NREP: variants seen among roughly 807,000 people sequenced by gnomAD.
The protein encoded by NREP is neuronal regeneration-related protein.
Under a neutral mutation model 8.6 loss-of-function variants are expected in NREP, and 5 were observed. The observed-to-expected ratio is 0.58, with a 90% CI of 0.30 to 1.22. The LOEUF is 1.22. Among genes scored for constraint, NREP ranks in the 50% most tolerant of loss-of-function variants. The pLI is 0.07. For missense variants in NREP, 86 were observed against 82.5 expected (o/e 1.04, Z -0.17); for synonymous variants, 27 against 28.0 (o/e 0.96, Z 0.11).
intron 2 of NREP, among the ~76,000 whole-genome samples, chr5:111,903,059 C>T (rs1162616218): frequency 2.0e-5 from 3 of 150,508 alleles, no homozygotes; most frequent in African/African-American, 7.3e-5. Context: ...ATTCTATTTT[C>T]CATGAATTGT....
At chr5:111,751,638 A>C (rs948487717) in intron 2 of NREP, among the ~76,000 whole-genome samples, 5 of 152,134 alleles carry the variant, frequency 3.3e-5, no homozygotes, top group Admixed American at 3.3e-4. Context: ...CATTCAGTAC[A>C]TTTTCCTCTG....
chr5:111,888,389 A>G (rs892154022), intron 2 of NREP, among the ~76,000 whole-genome samples: 1 of 151,928 alleles, frequency 6.6e-6, no homozygotes, highest in Non-Finnish European at 1.5e-5. Flanking sequence ...GGCAAAGGAG[A>G]AGCAAGGCAA....
At chr5:111,758,165 C>G (rs1486370905), upstream of NREP, 5 of 985,464 alleles carry the variant, frequency 5.1e-6, no homozygotes, top group Non-Finnish European at 6.0e-6. Context: ...GCGGGGAAGC[C>G]CGGGGCGGGG....
rs538618563 is a variant in NREP at position 111,962,246 on chromosome 5, A to G, written c.135+13028T>C. ...TTTGCCTGAGAAAATGCCTTTATTC[A>G]TTAGTTTTAGCTAAGAATACATGAT... On this transcript the variant is annotated intron_variant, in intron 2 of 3. Coordinates refer to the NREP transcript ENST00000395634. 3.3e-5 allele frequency among the ~76,000 whole-genome samples: 5 copies of G among 152,280 alleles called. No individual in the cohort carries two copies. The South Asian group carries it at 1.0e-3, about 32-fold the overall frequency.
chr5:111,970,825 CAA>C (rs33962098), intron 2 of NREP, among the ~76,000 whole-genome samples: 233 of 53,614 alleles, frequency 4.3e-3, no homozygotes, highest in African/African-American at 0.016. Context: ...GACTCCATCT[CAA>C]AAAAAAAAAA....
chr5:111,879,366 C>A (rs532364593), intron 2 of NREP, among the ~76,000 whole-genome samples: 9 of 152,278 alleles, frequency 5.9e-5, no homozygotes, highest in African/African-American at 2.2e-4. Flanking sequence ...GATAAAAGAT[C>A]CCTTCCCTCA....
intron 2 of NREP, among the ~76,000 whole-genome samples, chr5:111,820,452 A>G (rs965519099): frequency 6.6e-6 from 1 of 152,222 alleles, no homozygotes; most frequent in African/African-American, 2.4e-5. Context: ...GGGATTAACT[A>G]TATATACATA....
intron 2 of NREP, among the ~76,000 whole-genome samples, chr5:111,880,984 G>A (rs1561707581): frequency 2.0e-5 from 3 of 152,190 alleles, no homozygotes; most frequent in Non-Finnish European, 4.4e-5. Context: ...ACAGGACAGT[G>A]GGTGCAGCGC....
chr5:111,865,788 C>A (rs951089490), intron 2 of NREP, among the ~76,000 whole-genome samples: 9 of 152,094 alleles, frequency 5.9e-5, no homozygotes, highest in African/African-American at 2.2e-4. Flanking sequence ...GGATACAAAG[C>A]ACTGAAATTA....
rs114139684 is a variant in NREP, at chr5:111,871,501, T to G, written c.135+103773A>C. Among the ~76,000 whole-genome samples the G allele has an allele frequency of 9.1e-3, 1,381 of 152,244 alleles. 22 individuals are homozygous for G. Among genetic ancestry groups the G allele is most frequent in the African/African-American group, 0.032 (1,317 of 41,536 alleles). ...TAGACTTAGGCTACACTAAATATATTTTTTAAAATAGTTTTATTTCTCTAA... is the reference window on the plus strand; with the variant it reads ...TAGACTTAGGCTACACTAAATATATGTTTTAAAATAGTTTTATTTCTCTAA... On this transcript the variant is annotated intron_variant, in intron 2 of 3. Coordinates refer to the NREP transcript ENST00000395634.
intron 2 of NREP, among the ~76,000 whole-genome samples, chr5:111,824,791 G>A (rs1032978598): frequency 2.0e-5 from 3 of 152,132 alleles, no homozygotes; most frequent in Non-Finnish European, 4.4e-5. Context: ...TTTTCCAGGT[G>A]AATTTAGCAC....
intron 2 of NREP, among the ~76,000 whole-genome samples, chr5:111,754,147 C>A (rs1004395371): frequency 3.3e-5 from 5 of 152,172 alleles, no homozygotes; most frequent in Non-Finnish European, 7.4e-5. Flanking sequence ...ATTCCCCATT[C>A]TGCCACCATA....
intron 3 of NREP, among the ~76,000 whole-genome samples, chr5:111,731,494 T>C (rs986988138): frequency 6.7e-6 from 1 of 149,990 alleles, no homozygotes; most frequent in East Asian, 1.9e-4. Context: ...TTTTCTAATA[T>C]GTAATAAAAA....
intron 2 of NREP, among the ~76,000 whole-genome samples, chr5:111,968,504 G>T (rs1001763331): frequency 6.6e-6 from 1 of 152,176 alleles, no homozygotes; most frequent in Non-Finnish European, 1.5e-5. Context: ...CTTACTAGGG[G>T]AGAACCAGGA....
At chr5:111,944,833 T>TC (rs1195197622) in intron 2 of NREP, among the ~76,000 whole-genome samples, 1 of 152,064 alleles carries the variant, frequency 6.6e-6, no homozygotes, top group Non-Finnish European at 1.5e-5. Context: ...TAACCTACAG[T>TC]CCCCTGCAGA....
At position 111,808,743 on chromosome 5, in the gene NREP, C is replaced by T. The variant is rs77271924; in HGVS notation, c.136-73236G>A. 2.0e-4 allele frequency among the ~76,000 whole-genome samples: 31 copies of T among 152,290 alleles called. No homozygotes were observed. The East Asian group carries it at 5.0e-3, about 25-fold the overall frequency. On this transcript the variant is annotated intron_variant, in intron 2 of 3. Coordinates refer to the NREP transcript ENST00000395634. Reference sequence around the variant, plus strand: ...GTTTGGGTAACCCTCTGATGTGCTACTCCAGCACTCTACACTTTTCCTATG... The same window carrying T: ...GTTTGGGTAACCCTCTGATGTGCTATTCCAGCACTCTACACTTTTCCTATG...
At chr5:111,854,574 C>T (rs1487595868) in intron 2 of NREP, among the ~76,000 whole-genome samples, 3 of 152,098 alleles carry the variant, frequency 2.0e-5, no homozygotes, top group African/African-American at 7.2e-5. Context: ...GCCTTCCAGC[C>T]CCACCATCCT....
intron 2 of NREP, among the ~76,000 whole-genome samples, chr5:111,876,438 C>T (rs1753910997): frequency 6.6e-6 from 1 of 152,184 alleles, no homozygotes; most frequent in South Asian, 2.1e-4. Context: ...GCCTGGGTAC[C>T]AATTGATCAA....
At chr5:111,758,768 A>G (rs1275891893), upstream of NREP, among the ~76,000 whole-genome samples, 1 of 152,264 alleles carries the variant, frequency 6.6e-6, no homozygotes. Flanking sequence ...GGGTACAGCA[A>G]TAGCAAACCT....
Sources: allele counts gnomAD v4.1 joint callset (sites outside exome capture counted in the v4.1 genomes callset), GRCh38; gene constraint gnomAD v4.1.1; transcripts MANE v1.5; gene names NCBI Gene and HGNC (gene_info 2026-07-23, HGNC 2026-07-21).